The following KIF24 variants were observed in gnomAD, a reference collection of about 807,000 sequenced individuals.
KIF24 encodes kinesin family member 24.
In KIF24, 81 loss-of-function variants were observed where a neutral mutation model predicts 118.9. The ratio of observed to expected loss-of-function variants is 0.68; its 90% CI spans 0.57 to 0.82. The LOEUF is 0.82. Ranked by LOEUF, KIF24 falls within the 40% of genes least tolerant of loss-of-function variation. The pLI, the probability that KIF24 is intolerant of heterozygous loss-of-function variation, is 0.00. For missense variants in KIF24, 1,560 were observed against 1,661.6 expected, an observed-to-expected ratio of 0.94 and a Z score of 1.06; for synonymous variants, 599 against 610.0, an observed-to-expected ratio of 0.98 and a Z score of 0.27.
chr9:34,306,380 G>A lies in KIF24; in HGVS notation c.685C>T (p.Arg229Ter), dbSNP rs775329733. The part of the protein sequence containing the change: ...TEMEKIRVCV[R>*]KRPLGMREVR... ...TCCCTCATGCCCAGGGGGCGTTTTC[G>A]AACACAAACTCTGATTTTCTCCATC... The change falls in exon 3 of 13, where the codon CGA becomes TGA. Residue 229 changes from arginine (R) to a stop codon, truncating the protein, a stop_gained. Transcript: ENST00000402558. LOFTEE classifies it high-confidence loss of function. 1.1e-5 allele frequency: 17 copies of A among 1,612,686 alleles called. No individual in the cohort carries two copies. The highest frequency in any genetic ancestry group is 5.3e-5 in the African/African-American group (4 of 74,832).
At chr9:34,282,300 C>G (rs1046582687) in intron 6 of KIF24, among the ~76,000 whole-genome samples, 3 of 152,052 alleles carry the variant, frequency 2.0e-5, no homozygotes, top group African/African-American at 7.2e-5. Flanking sequence ...TTGTATAATT[C>G]TGTTTATATG....
chr9:34,330,770 G>A (rs1453969888), upstream of KIF24, among the ~76,000 whole-genome samples: 2 of 152,058 alleles, frequency 1.3e-5, no homozygotes, highest in African/African-American at 4.8e-5. Flanking sequence ...GACCATCCTG[G>A]CTGACACGGT....
chr9:34,280,022 C>T (rs71521228), intron 6 of KIF24, among the ~76,000 whole-genome samples: 6,508 of 151,856 alleles, frequency 0.043, 175 homozygotes, highest in Middle Eastern at 0.075. Flanking sequence ...CGGTGGCTCA[C>T]GCCTGTAATC....
chr9:34,285,584 C>A (rs1000120988), intron 6 of KIF24, among the ~76,000 whole-genome samples: 1 of 151,894 alleles, frequency 6.6e-6, no homozygotes, highest in Non-Finnish European at 1.5e-5. Context: ...ACCATTCTGG[C>A]AAACACGGTG....
chr9:34,305,960 A>G (rs774809234), intron 3 of KIF24, among the ~76,000 whole-genome samples: 2 of 151,998 alleles, frequency 1.3e-5, no homozygotes, highest in Non-Finnish European at 2.9e-5. Context: ...TTTTTGCTGA[A>G]TATGTATAAT....
chr9:34,300,619 C>T (rs1195142445), intron 3 of KIF24, among the ~76,000 whole-genome samples: 5 of 152,030 alleles, frequency 3.3e-5, no homozygotes, highest in Non-Finnish European at 7.4e-5. Context: ...CCGCCTGCCT[C>T]GGCCTACCAA....
intron 6 of KIF24, among the ~76,000 whole-genome samples, chr9:34,284,802 G>C (rs138502605): frequency 0.024 from 3,667 of 152,258 alleles, 103 homozygotes; most frequent in Admixed American, 0.077. Flanking sequence ...CTGAGTAGCT[G>C]ATTACAAGGG....
At chr9:34,317,906 T>C (rs1407011868) in intron 1 of KIF24, among the ~76,000 whole-genome samples, 1 of 152,180 alleles carries the variant, frequency 6.6e-6, no homozygotes, top group East Asian at 1.9e-4. Flanking sequence ...GTACTATCCA[T>C]GGTTTCAGGC....
intron 5 of KIF24, 85 bp from the exon 6 acceptor site, chr9:34,286,789 C>T: frequency 1.1e-6 from 1 of 915,784 alleles, no homozygotes; most frequent in Non-Finnish European, 1.8e-6. Context: ...TCCACCATTC[C>T]TCTATTAAGT....
chr9:34,311,707 T>C (rs1031962753), intron 1 of KIF24, among the ~76,000 whole-genome samples: 23 of 146,250 alleles, frequency 1.6e-4, no homozygotes, highest in South Asian at 4.3e-4. Flanking sequence ...TGTACATATA[T>C]ACGTATATAT....
At chr9:34,255,677 C>T in intron 11 of KIF24, 58 bp downstream of exon 11, 1 of 1,426,334 alleles carries the variant, frequency 7.0e-7, no homozygotes, top group Non-Finnish European at 9.5e-7. Context: ...AAACAGTAAG[C>T]TGGAGTGGAG....
At chr9:34,299,263 C>T (rs1235470165) in intron 3 of KIF24, among the ~76,000 whole-genome samples, 1 of 151,988 alleles carries the variant, frequency 6.6e-6, no homozygotes, top group Non-Finnish European at 1.5e-5. Context: ...TCACTGCAAC[C>T]TCCATCTCTT....
upstream of KIF24, among the ~76,000 whole-genome samples, chr9:34,332,798 A>T (rs540032386): frequency 1.7e-4 from 26 of 152,256 alleles, no homozygotes; most frequent in South Asian, 5.0e-3. Context: ...TCTTTGTCTC[A>T]ATTTATTCAT....
At chr9:34,275,508 C>A (rs1369880397) in intron 6 of KIF24, among the ~76,000 whole-genome samples, 1 of 151,910 alleles carries the variant, frequency 6.6e-6, no homozygotes, top group Non-Finnish European at 1.5e-5. Context: ...TGAGACCAGC[C>A]TGCGCAACAA....
At chr9:34,331,348 T>G (rs566145910), upstream of KIF24, among the ~76,000 whole-genome samples, 9 of 152,248 alleles carry the variant, frequency 5.9e-5, no homozygotes, top group Non-Finnish European at 1.0e-4. Flanking sequence ...ATATATGTCA[T>G]TTATAAACTC....
In KIF24 at chr9:34,256,088, A is replaced by G. The variant is rs749419731; in HGVS notation, c.3519T>C (p.Asp1173=). ...CCAGCCCCGTCTCCTCTGCATCAGCATCATACTGCTCACTACCCATGTGTT... is the reference window on the plus strand; with the variant it reads ...CCAGCCCCGTCTCCTCTGCATCAGCGTCATACTGCTCACTACCCATGTGTT... The part of the protein sequence containing the change: ...SHEHMGSEQY[D]ADAEETGLDG... Residue 1173 remains aspartate, a synonymous_variant, in exon 11 of 13, where the codon GAT becomes GAC. Coordinates refer to ENST00000402558, the MANE Select transcript of KIF24 (RefSeq NM_194313.4). The G allele has an allele frequency of 7.4e-6, 12 of 1,613,886 alleles. No homozygotes were observed. The highest frequency in any genetic ancestry group is 9.3e-6 in the Non-Finnish European group (11 of 1,179,828).
chr9:34,257,905 G>A lies in KIF24; in HGVS notation c.1702C>T (p.Pro568Ser). The A allele has an allele frequency of 6.2e-7, 1 of 1,614,022 alleles. No individual in the cohort carries two copies. The highest frequency in any genetic ancestry group is 8.5e-7 in the Non-Finnish European group (1 of 1,179,882). ...SRNRTSGNSSPKRIQSSPGAL... is the reference protein window; with the variant it reads ...SRNRTSGNSSSKRIQSSPGAL... ...CCAGGGGAGCTCTGAATTCGTTTTG[G>A]AGAGGAGTTTCCAGATGTCCGATTT... is the stretch of plus-strand genomic sequence containing the variant. Residue 568 changes from proline to serine, a missense_variant, in exon 11 of 13, where the codon CCA becomes TCA. Physicochemically the swap from Pro to Ser is moderately conservative, Grantham distance 74 (BLOSUM62 -1). This residue lies in a region of KIF24 where 964 missense variants were observed against 988.0 expected (regional missense o/e 0.98). Transcript: ENST00000402558.
Position 34,257,371 on chromosome 9 carries a change from C to A in KIF24, c.2236G>T (p.Ala746Ser), listed in dbSNP as rs764651523. ...GGGATGTTTGTCCAAGCTTCAGAGG[C>A]AGGCCTAGCAGGCGTGCCCCTCTGG... ...DSQRGTPARP[A>S]SEAWTNIPPH... Residue 746 changes from alanine to serine, a missense_variant, in exon 11 of 13, where the codon GCC becomes TCC. This residue lies in a region of KIF24 where 964 missense variants were observed against 988.0 expected (regional missense o/e 0.98). Coordinates refer to ENST00000402558, the MANE Select transcript of KIF24 (RefSeq NM_194313.4). 6.2e-7 allele frequency: 1 copy of A among 1,613,944 alleles called. No individual in the cohort carries two copies. The highest frequency in any genetic ancestry group is 1.3e-5 in the African/African-American group (1 of 74,944).
intron 1 of KIF24, among the ~76,000 whole-genome samples, chr9:34,327,702 C>G (rs898464473): frequency 6.6e-6 from 1 of 151,942 alleles, no homozygotes; most frequent in East Asian, 1.9e-4. Context: ...GAATTTTAAT[C>G]TAATTCAATT....
Sources: allele counts gnomAD v4.1 joint callset (sites outside exome capture counted in the v4.1 genomes callset), GRCh38; gene constraint gnomAD v4.1.1; regional missense constraint gnomAD v4.1.1; transcripts MANE v1.5; gene names NCBI Gene and HGNC (gene_info 2026-07-23, HGNC 2026-07-21).